The following MARCHF10 variants were observed in gnomAD, a reference collection of about 807,000 sequenced individuals.
MARCHF10 encodes probable E3 ubiquitin-protein ligase MARCHF10.
In MARCHF10, 64 loss-of-function variants were observed where a neutral mutation model predicts 76.2. The observed-to-expected ratio is 0.84, with a 90% CI of 0.69 to 1.03. MARCHF10 has a LOEUF of 1.03. Ranked by LOEUF, MARCHF10 falls within the 50% of genes least tolerant of loss-of-function variation. The probability of loss-of-function intolerance (pLI) is 0.00; values close to 1 mark genes in which losing one functional copy is unlikely to be tolerated. For synonymous variants in MARCHF10, 340 were observed against 357.5 expected, an observed-to-expected ratio of 0.95 and a Z score of 0.55; for missense variants, 875 against 958.0, an observed-to-expected ratio of 0.91 and a Z score of 1.14.
At chr17:62,788,065 T>A (rs1209209689) in intron 3 of MARCHF10, among the ~76,000 whole-genome samples, 1 of 152,200 alleles carries the variant, frequency 6.6e-6, no homozygotes, top group East Asian at 1.9e-4. Context: ...TCTTCCTTCA[T>A]CAGAAATAAA....
chr17:62,793,811 C>CCACCACCAACACCTCCAT (rs1286470568), intron 2 of MARCHF10, among the ~76,000 whole-genome samples: 28 of 149,742 alleles, frequency 1.9e-4, no homozygotes, highest in African/African-American at 6.4e-4. Context: ...CCTCCATCGA[C>CCACCACCAACACCTCCAT]CACCACCAAC....
At position 62,725,042 on chromosome 17, in the gene MARCHF10, C is replaced by A. The variant is rs921322735; in HGVS notation, c.2000G>T (p.Gly667Val). 3 of 1,608,342 alleles carry A rather than the reference C, an allele frequency of 1.9e-6. No homozygotes were observed. Among genetic ancestry groups the A allele is most frequent in the South Asian group, 1.1e-5 (1 of 89,766 alleles). ...DLCRICQIAG[G>V]SPSNPLLEPC... ...CTCCAGGAGGGGGTTGCTTGGGGAA[C>A]CCCCGGCTATCTGACAGATGCGACA... Residue 667 changes from glycine (G) to valine (V), a missense_variant, in exon 7 of 11, where the codon GGT (glycine) becomes GTT (valine). Gly to Val is a moderately radical substitution (Grantham distance 109, BLOSUM62 -3). Coordinates refer to ENST00000311269, the MANE Select transcript of MARCHF10 (RefSeq NM_152598.4).
chr17:62,703,078 C>T (rs1293569806), intron 10 of MARCHF10, among the ~76,000 whole-genome samples: 1 of 152,224 alleles, frequency 6.6e-6, no homozygotes, highest in Non-Finnish European at 1.5e-5. Context: ...TTCCTGGGCA[C>T]ACCCAGGGAC....
intron 3 of MARCHF10, among the ~76,000 whole-genome samples, chr17:62,782,273 G>C (rs2092671890): frequency 6.6e-6 from 1 of 151,572 alleles, no homozygotes; most frequent in Admixed American, 6.6e-5. Flanking sequence ...GACCCTGTGG[G>C]AAGAGGCTGA....
intron 7 of MARCHF10, among the ~76,000 whole-genome samples, chr17:62,723,486 A>C (rs947349974): frequency 6.6e-6 from 1 of 151,328 alleles, no homozygotes; most frequent in Non-Finnish European, 1.5e-5. Flanking sequence ...ATAAAGAAAC[A>C]GTAAATAATA....
chr17:62,788,501 A>G lies in MARCHF10; in HGVS notation c.189T>C (p.Ser63=), dbSNP rs1036959654. The G allele has an allele frequency of 6.2e-7, 1 of 1,614,056 alleles. No homozygotes were observed. The highest frequency in any genetic ancestry group is 1.3e-5 in the African/African-American group (1 of 74,940). Residue 63 remains serine, a synonymous_variant, in exon 3 of 11, where the codon TCT becomes TCC. Transcript: ENST00000311269. ...QETSFERSRF[S]SRSSSKQSSS... The stretch of plus-strand genomic sequence containing the variant: ...ATACCTGTTTGGAAGATGACCTGCT[A>G]GAAAACCGGGATCTCTCAAAACTTG...
At chr17:62,744,858 C>A (rs1220651249) in intron 4 of MARCHF10, among the ~76,000 whole-genome samples, 2 of 150,978 alleles carry the variant, frequency 1.3e-5, no homozygotes, top group Non-Finnish European at 2.9e-5. Flanking sequence ...TACAAAAATA[C>A]AAAAATTAGC....
chr17:62,711,341 G>C lies in MARCHF10; in HGVS notation c.2218C>G (p.Gln740Glu). 1 of 1,614,078 alleles carries C rather than the reference G, an allele frequency of 6.2e-7. No individual in the cohort carries two copies. ...AAGCCTGAATTCATCAGCTCGTTTTGTGCCTACAAATGGAAAAGAAAGCTC... is the reference window on the plus strand; with the variant it reads ...AAGCCTGAATTCATCAGCTCGTTTTCTGCCTACAAATGGAAAAGAAAGCTC... Reference protein sequence around the residue: ...FYQKHQQSQAQNELMNSGLYL... With the variant: ...FYQKHQQSQAENELMNSGLYL... Residue 740 changes from glutamine (Q) to glutamate (E), a missense_variant, in exon 9 of 11, where the codon CAA becomes GAA. By Grantham distance (29) the Gln-to-Glu change is conservative. Coordinates refer to ENST00000311269, the MANE Select transcript of MARCHF10 (RefSeq NM_152598.4). This position sits in a 1 kb window ranked among gnomAD's most constrained non-coding sequence, Gnocchi z 4.4.
intron 3 of MARCHF10, among the ~76,000 whole-genome samples, chr17:62,768,640 T>C (rs1435083703): frequency 4.6e-5 from 7 of 152,240 alleles, no homozygotes; most frequent in Admixed American, 3.9e-4. Context: ...ATTGAAAGAA[T>C]AGTACAAATC....
chr17:62,779,407 G>T (rs1443839265), intron 3 of MARCHF10, among the ~76,000 whole-genome samples: 1 of 152,108 alleles, frequency 6.6e-6, no homozygotes, highest in East Asian at 1.9e-4. Flanking sequence ...CACTGTAAAG[G>T]GTGTCAGTGG....
intron 9 of MARCHF10, among the ~76,000 whole-genome samples, chr17:62,706,878 A>C (rs1382793485): frequency 6.6e-6 from 1 of 152,138 alleles, no homozygotes; most frequent in Non-Finnish European, 1.5e-5. Flanking sequence ...GGGGGCTGAA[A>C]GGGAAGGAGG....
chr17:62,702,847 G>A (rs1321273160), intron 10 of MARCHF10, among the ~76,000 whole-genome samples: 1 of 152,074 alleles, frequency 6.6e-6, no homozygotes, highest in Non-Finnish European at 1.5e-5. Context: ...CGTCCATCCT[G>A]CGCTTTCTCC....
Position 62,808,135 on chromosome 17 carries a change from G to GGGCC in MARCHF10, c.-80_-77dup, listed in dbSNP as rs2093190689. 2 of 142,864 alleles carry GGGCC rather than the reference G, an allele frequency of 1.4e-5. No homozygotes were observed. Among genetic ancestry groups the GGGCC allele is most frequent in the Non-Finnish European group, 3.1e-5 (2 of 64,922 alleles). The allele number at this position is 142,864 out of a possible 1,614,324, so 8.8% of individuals were successfully genotyped here. ...ACAGGGGTCGAGGGGCTGGGCGGGC[G>GGGCC]GGCCGGTCCAGGGCGCAGGAGCCGC... On this transcript the variant is annotated 5_prime_UTR_variant, in exon 1 of 11. The change abolishes the stop of an existing upstream ORF in the 5' untranslated region. Coordinates refer to ENST00000311269, the MANE Select transcript of MARCHF10 (RefSeq NM_152598.4).
At chr17:62,743,429 C>T (rs2091587341) in intron 5 of MARCHF10, among the ~76,000 whole-genome samples, 1 of 152,322 alleles carries the variant, frequency 6.6e-6, no homozygotes, top group East Asian at 1.9e-4. Context: ...AAGCAGATCA[C>T]TTGAGGCCAG....
chr17:62,774,855 A>G (rs1597988329), intron 3 of MARCHF10, among the ~76,000 whole-genome samples: 1 of 152,002 alleles, frequency 6.6e-6, no homozygotes, highest in Admixed American at 6.5e-5. Flanking sequence ...GGAGTTCGAG[A>G]CCAGCCTGGC....
Position 62,737,115 on chromosome 17 carries a change from G to A in MARCHF10, c.753C>T (p.Phe251=). 18 of 1,614,080 alleles carry A rather than the reference G, an allele frequency of 1.1e-5. No individual in the cohort carries two copies. Among genetic ancestry groups the A allele is most frequent in the Non-Finnish European group, 1.5e-5 (18 of 1,180,032 alleles). The change falls in exon 6 of 11, where the codon TTC becomes TTT. Residue 251 remains phenylalanine (F), a synonymous_variant. Transcript: ENST00000311269. The part of the protein sequence containing the change: ...GKNSPQVLSE[F]SGPPLTPTTV... ...TGGTGGGTGTGAGTGGTGGCCCCGA[G>A]AACTCACTCAATACTTGAGGACTAT...
chr17:62,741,989 C>G (rs1030795067), intron 5 of MARCHF10, among the ~76,000 whole-genome samples: 1 of 148,848 alleles, frequency 6.7e-6, no homozygotes, highest in Non-Finnish European at 1.5e-5. Flanking sequence ...TGAGCCACCG[C>G]GCCCAGCCTG....
In MARCHF10 at chr17:62,701,643, G is replaced by A; in HGVS notation, c.*60C>T. 6.2e-7 allele frequency: 1 copy of A among 1,612,832 alleles called. No individual in the cohort carries two copies. The highest frequency in any genetic ancestry group is 1.1e-5 in the South Asian group (1 of 91,052). The stretch of plus-strand genomic sequence containing the variant: ...AGGAGGAGGGAGGGAGGCACTTGGG[G>A]ACGTAGAAAGAAGGGCTGGCGGGAG... On this transcript the variant is annotated 3_prime_UTR_variant, in exon 11 of 11. Coordinates refer to ENST00000311269, the MANE Select transcript of MARCHF10 (RefSeq NM_152598.4).
chr17:62,742,020 T>C lies in MARCHF10; in HGVS notation c.535+2356A>G, dbSNP rs201060052. Among the ~76,000 whole-genome samples the C allele has an allele frequency of 5.5e-5, 4 of 72,610 alleles. No individual in the cohort carries two copies. The East Asian group carries it at 1.5e-3, about 27-fold the overall frequency. The allele number at this position is 72,610 out of a possible 152,430, so 47.6% of individuals were successfully genotyped here. A position where few individuals can be genotyped will look rare whatever the true frequency, so the allele number is the denominator to read the frequency against. ...GCCTGGAAACTGTTTTTTTTTCTTT[T>C]TTTCTTTTTTTTTTTTGAGATGGAG... On this transcript the variant is annotated intron_variant, in intron 5 of 10. Transcript: ENST00000311269.
Sources: allele counts gnomAD v4.1 joint callset (sites outside exome capture counted in the v4.1 genomes callset), GRCh38; gene constraint gnomAD v4.1.1; non-coding constraint Gnocchi (gnomAD v3.1); transcripts MANE v1.5; gene names NCBI Gene and HGNC (gene_info 2026-07-23, HGNC 2026-07-21).